Variants in TMEM181 observed in about 807,000 individuals in gnomAD.
TMEM181 encodes the protein transmembrane protein 181.
TMEM181 carries 39 observed loss-of-function variants against 71.9 expected under a neutral mutation model. The observed-to-expected ratio is 0.54, with a 90% CI of 0.42 to 0.71. The LOEUF (loss-of-function observed/expected upper bound fraction) is 0.71. Ranked by LOEUF, TMEM181 falls within the 30% of genes least tolerant of loss-of-function variation. The pLI, the probability that TMEM181 is intolerant of heterozygous loss-of-function variation, is 0.00. For missense variants in TMEM181, 595 were observed against 583.0 expected, an observed-to-expected ratio of 1.02 and a Z score of -0.21; for synonymous variants, 245 against 228.8, an observed-to-expected ratio of 1.07 and a Z score of -0.64.
chr6:158,581,036 T>C (rs1582980083), intron 3 of TMEM181, 41 bp downstream of exon 3: 1 of 1,568,986 alleles, frequency 6.4e-7, no homozygotes, highest in East Asian at 2.3e-5. Context: ...GTGGGGTGCA[T>C]TATAAACCTC....
chr6:158,597,175 C>G (rs1343771470), intron 6 of TMEM181, among the ~76,000 whole-genome samples: 1 of 152,162 alleles, frequency 6.6e-6, no homozygotes, highest in Non-Finnish European at 1.5e-5. Flanking sequence ...AAGCTGATTT[C>G]TCTCTCCTTT....
intron 6 of TMEM181, among the ~76,000 whole-genome samples, chr6:158,597,044 G>T (rs1784421519): frequency 6.6e-6 from 1 of 152,168 alleles, no homozygotes; most frequent in Non-Finnish European, 1.5e-5. Context: ...TGTTTTCAGT[G>T]GAAGGTGTCT....
intron 6 of TMEM181, among the ~76,000 whole-genome samples, chr6:158,603,436 G>T (rs987657112): frequency 4.6e-5 from 7 of 152,208 alleles, no homozygotes; most frequent in African/African-American, 4.8e-5. Flanking sequence ...AGCTCAGGCG[G>T]TAATGCTCGC....
intron 2 of TMEM181, among the ~76,000 whole-genome samples, chr6:158,575,296 T>C (rs1286792985): frequency 6.6e-6 from 1 of 152,210 alleles, no homozygotes; most frequent in African/African-American, 2.4e-5. Context: ...ACTGTCATTT[T>C]GCAAATGAGG....
chr6:158,625,964 G>A (rs1215326994), intron 13 of TMEM181, among the ~76,000 whole-genome samples: 2 of 152,216 alleles, frequency 1.3e-5, no homozygotes, highest in African/African-American at 4.8e-5. Flanking sequence ...GAGGACTGGA[G>A]CACGTTCACT....
At chr6:158,559,672 G>A (rs892420783), upstream of TMEM181, among the ~76,000 whole-genome samples, 1 of 152,170 alleles carries the variant, frequency 6.6e-6, no homozygotes, top group African/African-American at 2.4e-5. Context: ...GTTTGTCCTG[G>A]CTTTTAACCT....
chr6:158,544,368 G>A (rs1781457744), intron 1 of TMEM181, among the ~76,000 whole-genome samples: 1 of 152,026 alleles, frequency 6.6e-6, no homozygotes, highest in Admixed American at 6.6e-5. Flanking sequence ...AATCAGGATG[G>A]TTGGTCAACC....
intron 1 of TMEM181, among the ~76,000 whole-genome samples, chr6:158,540,448 C>G (rs1227568834): frequency 6.6e-6 from 1 of 152,180 alleles, no homozygotes; most frequent in Non-Finnish European, 1.5e-5. Context: ...TTGTAATACT[C>G]CTAAACTGGA....
chr6:158,607,224 A>G lies in TMEM181; in HGVS notation c.574-20A>G. ...AGGTGTGAGCAAAGGCAGTAACTGGAGGCCTGATTTGGTTTGCAGTGCCTG... is the reference window on the plus strand; with the variant it reads ...AGGTGTGAGCAAAGGCAGTAACTGGGGGCCTGATTTGGTTTGCAGTGCCTG... On this transcript the variant is annotated intron_variant, in intron 7 of 16. Transcript: ENST00000684151. 1 of 1,605,130 alleles carries G rather than the reference A, an allele frequency of 6.2e-7. No individual in the cohort carries two copies. Among genetic ancestry groups the G allele is most frequent in the Admixed American group, 1.7e-5 (1 of 59,942 alleles).
At chr6:158,624,709 T>G (rs1005117593) in intron 11 of TMEM181, among the ~76,000 whole-genome samples, 6 of 152,234 alleles carry the variant, frequency 3.9e-5, no homozygotes, top group African/African-American at 1.4e-4. Context: ...TCCCAGGGCC[T>G]AGCCTGGGTC....
chr6:158,583,015 A>G (rs1029877200), intron 3 of TMEM181, among the ~76,000 whole-genome samples: 1 of 152,100 alleles, frequency 6.6e-6, no homozygotes, highest in African/African-American at 2.4e-5. Flanking sequence ...TGGGCTGATC[A>G]TGAGATCAGG....
At chr6:158,598,643 ATTTTT>A (rs541583142) in intron 6 of TMEM181, among the ~76,000 whole-genome samples, 2 of 145,808 alleles carry the variant, frequency 1.4e-5, no homozygotes, top group South Asian at 4.3e-4. Flanking sequence ...TTTTATTTTT[ATTTTT>A]TTATTTTCAT....
intron 2 of TMEM181, among the ~76,000 whole-genome samples, chr6:158,577,096 CAATG>C (rs1337511310): frequency 7.0e-6 from 1 of 141,870 alleles, no homozygotes; most frequent in African/African-American, 2.6e-5. Context: ...ACAAGGCAAA[CAATG>C]AAGTATGACC....
intron 10 of TMEM181, among the ~76,000 whole-genome samples, chr6:158,613,069 A>G (rs1481659564): frequency 6.6e-6 from 1 of 152,140 alleles, no homozygotes; most frequent in Non-Finnish European, 1.5e-5. Context: ...TTACATTGAT[A>G]TTTAGGACGT....
intron 3 of TMEM181, among the ~76,000 whole-genome samples, chr6:158,581,950 A>G (rs1052741892): frequency 2.0e-5 from 3 of 152,070 alleles, no homozygotes; most frequent in African/African-American, 7.2e-5. Context: ...TCGAGGCACC[A>G]TGATATATAT....
Position 158,613,763 on chromosome 6 carries a change from ATTG to A in TMEM181, c.896+5018_896+5020del, listed in dbSNP as rs1243251688. Among the ~76,000 whole-genome samples the A allele has an allele frequency of 2.0e-5, 3 of 152,338 alleles. No individual in the cohort carries two copies. In the East Asian group the frequency reaches 5.8e-4, roughly 29 times the overall value. On this transcript the variant is annotated intron_variant, in intron 10 of 16. Transcript: ENST00000684151. ...TTACCGCACTGATGCACACAACTAT[ATTG>A]TTGTGGTTTAAGAATACTTATAACT...
At chr6:158,547,720 C>T in intron 1 of TMEM181, among the ~76,000 whole-genome samples, 1 of 151,940 alleles carries the variant, frequency 6.6e-6, no homozygotes, top group East Asian at 1.9e-4. Context: ...CCCCCAGGCC[C>T]CCTTGGTCCT....
chr6:158,564,956 A>G (rs975044666), intron 1 of TMEM181, among the ~76,000 whole-genome samples: 3 of 152,222 alleles, frequency 2.0e-5, no homozygotes, highest in Non-Finnish European at 4.4e-5. Flanking sequence ...AACAAGCAGC[A>G]GGATGTGTAG....
intron 14 of TMEM181, 54 bp downstream of exon 14, chr6:158,628,544 C>T (rs1786471658): frequency 2.6e-6 from 4 of 1,514,002 alleles, no homozygotes; most frequent in Non-Finnish European, 3.7e-6. Flanking sequence ...AGCATTGCAG[C>T]AGTTAGTGGC....
Sources: allele counts gnomAD v4.1 joint callset (sites outside exome capture counted in the v4.1 genomes callset), GRCh38; gene constraint gnomAD v4.1.1; transcripts MANE v1.5; gene names NCBI Gene and HGNC (gene_info 2026-07-23, HGNC 2026-07-21).